The following TENM2 variants were observed in gnomAD, a reference collection of about 807,000 sequenced individuals.
TENM2 encodes the protein teneurin-2.
TENM2 carries 52 observed loss-of-function variants against 245.2 expected under a neutral mutation model. That is an observed-to-expected ratio of 0.21 (90% CI 0.17 to 0.27). The LOEUF (loss-of-function observed/expected upper bound fraction) is 0.27, where lower values mean the gene tolerates loss of function less well. Among genes scored for constraint, TENM2 ranks in the 10% least tolerant of loss-of-function variants. TENM2 has a pLI of 1.00. For missense variants in TENM2, 3,046 were observed against 3,666.8 expected (o/e 0.83, Z 4.37); for synonymous variants, 1,363 against 1,438.9 (o/e 0.95, Z 1.19).
the TENM2 span, among the ~76,000 whole-genome samples, chr5:167,247,123 C>T: frequency 1.3e-5 from 2 of 152,118 alleles, no homozygotes; most frequent in Non-Finnish European, 2.9e-5. Context: ...TTTACAAGCA[C>T]TGCCTTATTT....
At chr5:167,682,791 G>A (rs934451751) in intron 2 of TENM2, among the ~76,000 whole-genome samples, 1 of 152,162 alleles carries the variant, frequency 6.6e-6, no homozygotes, top group Admixed American at 6.5e-5. Flanking sequence ...GCACAGAACT[G>A]TCAGGCAAAC....
At chr5:167,510,934 GATA>G (rs1475515796) in intron 2 of TENM2, among the ~76,000 whole-genome samples, 1 of 135,816 alleles carries the variant, frequency 7.4e-6, no homozygotes, top group Non-Finnish European at 1.7e-5. Context: ...TACACTGTGA[GATA>G]ATAAAAAAAA....
the TENM2 span, among the ~76,000 whole-genome samples, chr5:167,042,907 T>C: frequency 6.6e-6 from 1 of 152,178 alleles, no homozygotes; most frequent in African/African-American, 2.4e-5. Context: ...AAAGAGATTT[T>C]AGGGATTATC....
chr5:167,300,290 C>G (rs1293086977), intron 1 of TENM2, among the ~76,000 whole-genome samples: 1 of 152,156 alleles, frequency 6.6e-6, no homozygotes, highest in African/African-American at 2.4e-5. Flanking sequence ...GTCTGTGAAG[C>G]CTTGCGGCAG....
intron 25 of TENM2, among the ~76,000 whole-genome samples, chr5:168,235,609 C>T (rs1461359764): frequency 6.6e-6 from 1 of 152,214 alleles, no homozygotes; most frequent in Non-Finnish European, 1.5e-5. Flanking sequence ...AAGTTCAAGA[C>T]TAGCCTAGCC....
At chr5:167,484,531 T>C (rs1420490220) in intron 2 of TENM2, among the ~76,000 whole-genome samples, 2 of 152,308 alleles carry the variant, frequency 1.3e-5, no homozygotes, top group African/African-American at 4.8e-5. Flanking sequence ...ACCTAGATTT[T>C]GGACTTCCAG....
At chr5:166,999,557 G>A in the TENM2 span, among the ~76,000 whole-genome samples, 1 of 152,074 alleles carries the variant, frequency 6.6e-6, no homozygotes, top group South Asian at 2.1e-4. Flanking sequence ...AGTGATAAAA[G>A]TAAGAATGGA....
At chr5:167,663,178 G>A (rs73801321) in intron 2 of TENM2, among the ~76,000 whole-genome samples, 124 of 139,164 alleles carry the variant, frequency 8.9e-4, no homozygotes, top group African/African-American at 3.7e-3. Context: ...GAGAGAGAGA[G>A]AGAGAGAGAA....
intron 2 of TENM2, among the ~76,000 whole-genome samples, chr5:167,842,497 G>A (rs936208746): frequency 6.9e-6 from 1 of 144,226 alleles, no homozygotes; most frequent in Admixed American, 7.4e-5. Context: ...GCTGAGGCAG[G>A]AGAATTGCTT....
intron 4 of TENM2, among the ~76,000 whole-genome samples, chr5:167,987,254 A>G (rs1376238440): frequency 6.6e-6 from 1 of 152,082 alleles, no homozygotes; most frequent in Non-Finnish European, 1.5e-5. Flanking sequence ...ATGCATTTGG[A>G]AGGGCATAAA....
At chr5:167,359,511 T>A (rs1370230640) in intron 1 of TENM2, among the ~76,000 whole-genome samples, 1 of 143,774 alleles carries the variant, frequency 7.0e-6, no homozygotes, top group African/African-American at 2.5e-5. Context: ...TTCTACTTTC[T>A]ATTTTTTTTT....
At chr5:167,951,786 T>G (rs138509511) in intron 3 of TENM2, among the ~76,000 whole-genome samples, 21 of 152,222 alleles carry the variant, frequency 1.4e-4, no homozygotes, top group African/African-American at 4.8e-4. Context: ...CATTTTAAAA[T>G]AGATATATAT....
chr5:167,234,819 G>A, the TENM2 span, among the ~76,000 whole-genome samples: 48 of 152,276 alleles, frequency 3.2e-4, no homozygotes, highest in African/African-American at 1.0e-3. Flanking sequence ...AAAATGTGGT[G>A]AAAATGACAT....
rs182395270 is a variant in TENM2, at chr5:168,161,223, G to A, written c.2423-1388G>A. Among the ~76,000 whole-genome samples, 301 of 152,260 alleles carry A rather than the reference G, an allele frequency of 2.0e-3. 3 individuals carry two copies. Among genetic ancestry groups the A allele is most frequent in the Middle Eastern group, 0.017 (5 of 294 alleles). On this transcript the variant is annotated intron_variant, in intron 12 of 28. Transcript: ENST00000518659. ...AATCAATTACCTCCATCATTACAAA[G>A]CTTTTTATCCTCTGCCATGGCCCAA... is the stretch of plus-strand genomic sequence containing the variant.
chr5:167,747,661 C>G (rs1328996873), intron 2 of TENM2, among the ~76,000 whole-genome samples: 1 of 152,086 alleles, frequency 6.6e-6, no homozygotes, highest in Non-Finnish European at 1.5e-5. Flanking sequence ...AATGACATCC[C>G]TTTCATTTGA....
chr5:168,026,055 G>A (rs570349347), intron 5 of TENM2, among the ~76,000 whole-genome samples: 1 of 152,078 alleles, frequency 6.6e-6, no homozygotes, highest in Non-Finnish European at 1.5e-5. Flanking sequence ...TCATAGTTGG[G>A]AGTGCTTATA....
At chr5:167,629,970 G>C (rs933656467) in intron 2 of TENM2, among the ~76,000 whole-genome samples, 4 of 152,098 alleles carry the variant, frequency 2.6e-5, no homozygotes, top group South Asian at 4.2e-4. Context: ...AATCCAAGTA[G>C]AGCAGTCCTC....
At chr5:167,199,506 A>G in the TENM2 span, among the ~76,000 whole-genome samples, 1 of 151,888 alleles carries the variant, frequency 6.6e-6, no homozygotes, top group African/African-American at 2.4e-5. Context: ...CCTCTCATTC[A>G]CCAAACCTGC....
At chr5:167,554,641 G>C (rs1773146538) in intron 2 of TENM2, among the ~76,000 whole-genome samples, 1 of 152,164 alleles carries the variant, frequency 6.6e-6, no homozygotes, top group Non-Finnish European at 1.5e-5. Context: ...TTTGCACTTT[G>C]CAGGTGAGGA....
Sources: gnomAD v4.1 joint callset for allele counts (sites outside exome capture counted in the v4.1 genomes callset) on GRCh38, gnomAD v4.1.1 for gene constraint, MANE v1.5 for transcripts, NCBI Gene and HGNC (gene_info 2026-07-23, HGNC 2026-07-21) for gene names.